LRP6: variants seen among roughly 807,000 people sequenced by gnomAD.
LRP6 encodes the protein low-density lipoprotein receptor-related protein 6.
A neutral mutation model predicts 184.1 loss-of-function variants in LRP6; 43 were observed. The observed-to-expected ratio is 0.23, with a 90% CI of 0.18 to 0.30. The LOEUF (loss-of-function observed/expected upper bound fraction) is 0.30, where lower values mean the gene tolerates loss of function less well. Ranked by LOEUF, LRP6 falls within the 10% of genes least tolerant of loss-of-function variation. LRP6 has a pLI of 1.00. For synonymous variants in LRP6, 719 were observed against 684.9 expected (o/e 1.05, Z -0.78); for missense variants, 1,571 against 2,005.3 (o/e 0.78, Z 4.14).
At chr12:12,155,445 GA>G in intron 12 of LRP6, 1 of 957,804 alleles carries the variant, frequency 1.0e-6, no homozygotes, top group Non-Finnish European at 1.7e-6. Flanking sequence ...TGCAAAACTG[GA>G]AGGGTCTACA....
At chr12:12,243,164 A>G (rs936124308) in intron 2 of LRP6, among the ~76,000 whole-genome samples, 7 of 152,222 alleles carry the variant, frequency 4.6e-5, no homozygotes. Context: ...AATTTATTCA[A>G]TAAAGAAATA....
chr12:12,203,150 T>C (rs1487312980), intron 3 of LRP6, 53 bp downstream of exon 3: 11 of 1,308,646 alleles, frequency 8.4e-6, no homozygotes, highest in African/African-American at 4.4e-5. Context: ...TTGTAATGTA[T>C]CAAGGCTTCA....
At chr12:12,180,970 T>C (rs1863330191) in intron 6 of LRP6, 73 bp downstream of exon 6, 2 of 1,516,144 alleles carry the variant, frequency 1.3e-6, no homozygotes, top group African/African-American at 2.7e-5. Context: ...TCATGTTATC[T>C]TAGTCAATGT....
At chr12:12,124,206 TC>T (rs1289787151) in intron 22 of LRP6, among the ~76,000 whole-genome samples, 1 of 152,092 alleles carries the variant, frequency 6.6e-6, no homozygotes, top group African/African-American at 2.4e-5. Context: ...AAACCACGTT[TC>T]TACTAAAAAT....
At position 12,150,824 on chromosome 12, in the gene LRP6, G is replaced by C. The variant is rs1950071264; in HGVS notation, c.2994+12C>G. ...TCAGGAGAAATGAATTTTGAACCAA[G>C]CTCTCAATTACCTGGCTGCCATCTT... On this transcript the variant is annotated intron_variant, in intron 13 of 22. Transcript: ENST00000261349. 6.2e-7 allele frequency: 1 copy of C among 1,612,798 alleles called. No individual in the cohort carries two copies. The highest frequency in any genetic ancestry group is 1.3e-5 in the African/African-American group (1 of 75,004).
chr12:12,172,886 G>A (rs1228123960), intron 7 of LRP6, among the ~76,000 whole-genome samples: 1 of 152,182 alleles, frequency 6.6e-6, no homozygotes, highest in African/African-American at 2.4e-5. Context: ...GAGAGAGGTA[G>A]GGGCAATTAC....
intron 1 of LRP6, among the ~76,000 whole-genome samples, chr12:12,259,613 C>A (rs754022848): frequency 6.6e-6 from 1 of 152,054 alleles, no homozygotes; most frequent in Non-Finnish European, 1.5e-5. Flanking sequence ...TACTCACTGC[C>A]GCAAACACGA....
At chr12:12,265,082 A>C (rs987152776) in intron 1 of LRP6, among the ~76,000 whole-genome samples, 2 of 152,250 alleles carry the variant, frequency 1.3e-5, no homozygotes, top group Non-Finnish European at 2.9e-5. Context: ...GACTCTAACC[A>C]ATCAGCTGGT....
intron 7 of LRP6, among the ~76,000 whole-genome samples, chr12:12,179,126 T>C (rs1251608041): frequency 6.6e-6 from 1 of 152,190 alleles, no homozygotes; most frequent in Non-Finnish European, 1.5e-5. Context: ...ATATCAGGGA[T>C]ATAGGCCACT....
intron 1 of LRP6, among the ~76,000 whole-genome samples, chr12:12,254,161 A>AG (rs1865403726): frequency 6.6e-6 from 1 of 150,408 alleles, no homozygotes; most frequent in Non-Finnish European, 1.5e-5. Flanking sequence ...AAAAAAAAAA[A>AG]AAAAGAAAGA....
At chr12:12,240,900 GGTT>G (rs1485895576) in intron 2 of LRP6, among the ~76,000 whole-genome samples, 1 of 152,000 alleles carries the variant, frequency 6.6e-6, no homozygotes, top group African/African-American at 2.4e-5. Context: ...CTGTAACTCT[GGTT>G]GTTCATTTCT....
chr12:12,192,964 A>C (rs1863655162), intron 3 of LRP6, among the ~76,000 whole-genome samples: 1 of 152,064 alleles, frequency 6.6e-6, no homozygotes, highest in African/African-American at 2.4e-5. Flanking sequence ...TCTCCAGGAC[A>C]CCACATGCTA....
At chr12:12,144,734 T>TA (rs36006256) in intron 15 of LRP6, among the ~76,000 whole-genome samples, 30,906 of 151,880 alleles carry the variant, frequency 0.2, 3,679 homozygotes, top group African/African-American at 0.32. Context: ...TATGCAACCA[T>TA]AAAAAAGGAT....
At position 12,118,345 on chromosome 12, in the gene LRP6, G is replaced by C. The variant is rs994537899; in HGVS notation, c.*2781C>G. On this transcript the variant is annotated 3_prime_UTR_variant, in exon 23 of 23. Coordinates refer to ENST00000261349, the MANE Select transcript of LRP6 (RefSeq NM_002336.3). Reference sequence around the variant, plus strand: ...TAAAAGACCACTTCAATGCAGAATAGCTTACTGTGGTGCACACAAAGTATG... The same window carrying C: ...TAAAAGACCACTTCAATGCAGAATACCTTACTGTGGTGCACACAAAGTATG... The C allele has an allele frequency of 2.6e-5, 4 of 152,190 alleles. No individual in the cohort carries two copies. Among genetic ancestry groups the C allele is most frequent in the Admixed American group, 2.6e-4 (4 of 15,278 alleles). 9.4% of individuals were successfully genotyped at this position (152,190 alleles called of 1,614,324 possible). A position where few individuals can be genotyped will look rare whatever the true frequency, so the allele number is the denominator to read the frequency against.
In LRP6 at chr12:12,262,135, T is replaced by C. The variant is rs138679312; in HGVS notation, c.55+4546A>G. Among the ~76,000 whole-genome samples, 61 of 152,108 alleles carry C rather than the reference T, an allele frequency of 4.0e-4. No individual in the cohort carries two copies. The East Asian group carries it at 8.3e-3, about 21-fold the overall frequency. On this transcript the variant is annotated intron_variant, in intron 1 of 22. Transcript: ENST00000261349. Reference sequence around the variant, plus strand: ...GGCTCACACCTGTAATCCCAGCACTTTGGGAGGTCAAGGCAGGTGGATAAC... The same window carrying C: ...GGCTCACACCTGTAATCCCAGCACTCTGGGAGGTCAAGGCAGGTGGATAAC...
intron 2 of LRP6, among the ~76,000 whole-genome samples, chr12:12,241,592 A>C (rs913377922): frequency 3.9e-5 from 6 of 152,162 alleles, no homozygotes; most frequent in Non-Finnish European, 7.4e-5. Context: ...AAATTAAAAG[A>C]AATTTTGAGA....
chr12:12,181,621 G>A (rs1235689801), intron 5 of LRP6, among the ~76,000 whole-genome samples, 182 bp from the exon 6 acceptor site: 1 of 152,208 alleles, frequency 6.6e-6, no homozygotes, highest in South Asian at 2.1e-4. Context: ...AGTCTACTCT[G>A]AGGTCAAGCT....
At chr12:12,145,317 C>T (rs1390131136) in intron 15 of LRP6, among the ~76,000 whole-genome samples, 1 of 150,980 alleles carries the variant, frequency 6.6e-6, no homozygotes, top group Non-Finnish European at 1.5e-5. Context: ...GCATTTGAAC[C>T]TGAAGACATT....
At chr12:12,189,980 T>C (rs1386783589) in intron 3 of LRP6, among the ~76,000 whole-genome samples, 1 of 152,218 alleles carries the variant, frequency 6.6e-6, no homozygotes, top group Non-Finnish European at 1.5e-5. Context: ...CTCTAGCTTA[T>C]TTATATACCA....
Sources: allele counts gnomAD v4.1 joint callset (sites outside exome capture counted in the v4.1 genomes callset), GRCh38; gene constraint gnomAD v4.1.1; transcripts MANE v1.5; gene names NCBI Gene and HGNC (gene_info 2026-07-23, HGNC 2026-07-21).